Variants in MOB1A observed in about 807,000 individuals in gnomAD.
The protein encoded by MOB1A is MOB1 Mps One Binder homolog A.
Under a neutral mutation model 25.1 loss-of-function variants are expected in MOB1A, and 10 were observed. That is an observed-to-expected ratio of 0.40 (90% confidence interval 0.25 to 0.68). The LOEUF is 0.68. Among genes scored for constraint, MOB1A ranks in the 30% least tolerant of loss-of-function variants. The pLI, the probability that MOB1A is intolerant of heterozygous loss-of-function variation, is 0.40. For synonymous variants in MOB1A, 81 were observed against 79.5 expected, an observed-to-expected ratio of 1.02 and a Z score of -0.10; for missense variants, 177 against 256.3, an observed-to-expected ratio of 0.69 and a Z score of 2.11.
chr2:74,158,920 G>T (rs540849514), intron 5 of MOB1A, 171 bp downstream of exon 5: 4 of 710,630 alleles, frequency 5.6e-6, no homozygotes, highest in Admixed American at 5.8e-5. Context: ...TTTTTATACT[G>T]CTGCACACAT....
chr2:74,174,761 AT>A (rs1432961794), intron 1 of MOB1A, among the ~76,000 whole-genome samples: 6 of 152,246 alleles, frequency 3.9e-5, no homozygotes, highest in Non-Finnish European at 8.8e-5. Flanking sequence ...TGTAACATAT[AT>A]TACAAAGGAT....
chr2:74,177,955 A>G (rs557147415), intron 1 of MOB1A: 1 of 152,344 alleles, frequency 6.6e-6, no homozygotes, highest in East Asian at 1.9e-4. Flanking sequence ...AGGTATGCCT[A>G]TCAAGTTAAT....
chr2:74,173,348 A>C, intron 1 of MOB1A: 1 of 321,702 alleles, frequency 3.1e-6, no homozygotes, highest in Non-Finnish European at 6.2e-6. Context: ...TTCTTGAGAA[A>C]CTGAACCTTC....
chr2:74,159,350 G>C lies in MOB1A; in HGVS notation c.410-96C>G, dbSNP rs1692895806. Reference sequence around the variant, plus strand: ...GGTCTCACTTTGTCACTCAGGCAGTGGTGCAATCTCAGCTCACTGCAGCCT... The same window carrying C: ...GGTCTCACTTTGTCACTCAGGCAGTCGTGCAATCTCAGCTCACTGCAGCCT... On this transcript the variant is annotated intron_variant, in intron 4 of 5. Transcript: ENST00000396049. 2.7e-6 allele frequency: 3 copies of C among 1,126,396 alleles called. No homozygotes were observed. The Admixed American group carries it at 6.5e-5, about 25-fold the overall frequency. 69.8% of individuals were successfully genotyped at this position (1,126,396 alleles called of 1,614,324 possible).
chr2:74,166,763 A>C (rs932518383), intron 3 of MOB1A, among the ~76,000 whole-genome samples: 1 of 152,158 alleles, frequency 6.6e-6, no homozygotes, highest in African/African-American at 2.4e-5. Context: ...TTGAACCCGG[A>C]AGGCAGAGGT....
chr2:74,165,479 G>T, intron 3 of MOB1A, 128 bp from the exon 4 acceptor site: 1 of 523,302 alleles, frequency 1.9e-6, no homozygotes, highest in Non-Finnish European at 3.2e-6. Flanking sequence ...ATCACCTTAA[G>T]TTCTACTGAA....
intron 4 of MOB1A, among the ~76,000 whole-genome samples, chr2:74,160,468 A>G (rs1313874289): frequency 6.6e-6 from 1 of 152,176 alleles, no homozygotes; most frequent in Non-Finnish European, 1.5e-5. Context: ...GCAGATCACG[A>G]GGTCAGGAGG....
chr2:74,177,562 A>G (rs1171823108), intron 1 of MOB1A, among the ~76,000 whole-genome samples: 1 of 152,152 alleles, frequency 6.6e-6, no homozygotes, highest in Non-Finnish European at 1.5e-5. Flanking sequence ...AGGAAGGAAA[A>G]TGAGACGCAG....
At chr2:74,175,695 G>A (rs956395952) in intron 1 of MOB1A, among the ~76,000 whole-genome samples, 1 of 152,100 alleles carries the variant, frequency 6.6e-6, no homozygotes, top group African/African-American at 2.4e-5. Context: ...TTAAAGTATG[G>A]TACATCCATA....
At chr2:74,174,470 G>A (rs1195161723) in intron 1 of MOB1A, among the ~76,000 whole-genome samples, 1 of 151,912 alleles carries the variant, frequency 6.6e-6, no homozygotes, top group African/African-American at 2.4e-5. Context: ...GGGAGGTTTA[G>A]TTCAAAAATC....
At chr2:74,168,356 C>A (rs1018013675) in intron 2 of MOB1A, among the ~76,000 whole-genome samples, 16 of 152,150 alleles carry the variant, frequency 1.1e-4, no homozygotes, top group Non-Finnish European at 1.6e-4. Context: ...ACCACATAAG[C>A]CTTGGAAAGT....
At chr2:74,173,106 A>G in intron 1 of MOB1A, 1 of 478,368 alleles carries the variant, frequency 2.1e-6, no homozygotes, top group South Asian at 1.5e-5. Flanking sequence ...ACTGCACTCC[A>G]GCCCAGGTGA....
intron 4 of MOB1A, among the ~76,000 whole-genome samples, chr2:74,160,452 A>AG (rs1173318616): frequency 1.3e-5 from 2 of 152,174 alleles, no homozygotes; most frequent in African/African-American, 4.8e-5. Flanking sequence ...TGGGAGGCCG[A>AG]GGGGGGCAGA....
chr2:74,178,518 G>A, intron 1 of MOB1A, 143 bp downstream of exon 1: 1 of 490,856 alleles, frequency 2.0e-6, no homozygotes, highest in Non-Finnish European at 3.3e-6. Flanking sequence ...GGCCTCCCCC[G>A]CGGACCCGAA....
At chr2:74,173,159 A>C (rs767359361) in intron 1 of MOB1A, 3 of 515,646 alleles carry the variant, frequency 5.8e-6, no homozygotes, top group Non-Finnish European at 1.2e-5. Context: ...ACACTCTCTG[A>C]AAAATGCCAA....
At chr2:74,167,206 T>G in intron 2 of MOB1A, 99 bp from the exon 3 acceptor site, 1 of 825,770 alleles carries the variant, frequency 1.2e-6, no homozygotes, top group Non-Finnish European at 2.0e-6. Flanking sequence ...GGTTCTTAGC[T>G]GAACCCTTGA....
At chr2:74,165,094 A>AGG (rs1201063633) in intron 4 of MOB1A, 124 bp downstream of exon 4, 3 of 591,556 alleles carry the variant, frequency 5.1e-6, no homozygotes, top group Non-Finnish European at 8.0e-6. Context: ...CCAAGGCAGG[A>AGG]GGATCACTTG....
chr2:74,157,176 C>T (rs1183159986), intron 5 of MOB1A, among the ~76,000 whole-genome samples: 2 of 145,934 alleles, frequency 1.4e-5, no homozygotes. Flanking sequence ...GGGGAAAGGG[C>T]TGGCTGAAGG....
At chr2:74,160,593 C>T (rs1692939177) in intron 4 of MOB1A, among the ~76,000 whole-genome samples, 1 of 151,884 alleles carries the variant, frequency 6.6e-6, no homozygotes, top group East Asian at 1.9e-4. Flanking sequence ...CCCAGCTACT[C>T]GGGAGGCTGA....
Sources: allele counts gnomAD v4.1 joint callset (sites outside exome capture counted in the v4.1 genomes callset), GRCh38; gene constraint gnomAD v4.1.1; transcripts MANE v1.5; gene names NCBI Gene and HGNC (gene_info 2026-07-23, HGNC 2026-07-21).